Variants in HPSE2 observed in about 807,000 individuals in gnomAD.
HPSE2 encodes heparanase 2 (inactive).
A neutral mutation model predicts 60.5 loss-of-function variants in HPSE2; 38 were observed. The observed-to-expected ratio is 0.63, with a 90% CI of 0.48 to 0.82. The LOEUF (loss-of-function observed/expected upper bound fraction) is 0.82, where lower values mean the gene tolerates loss of function less well. HPSE2 is among the 40% of genes least tolerant of loss of function. The pLI, the probability that HPSE2 is intolerant of heterozygous loss-of-function variation, is 0.00. For missense variants in HPSE2, 713 were observed against 740.4 expected (o/e 0.96, Z 0.43); for synonymous variants, 295 against 293.2 (o/e 1.01, Z -0.06).
intron 6 of HPSE2, among the ~76,000 whole-genome samples, chr10:98,646,428 C>T (rs769414429): frequency 8.6e-5 from 13 of 151,706 alleles, no homozygotes; most frequent in Non-Finnish European, 1.2e-4. Context: ...AATTCAGCAT[C>T]ACTTAAGATC....
intron 3 of HPSE2, among the ~76,000 whole-genome samples, chr10:98,810,364 AT>A (rs1951141999): frequency 6.6e-6 from 1 of 152,110 alleles, no homozygotes; most frequent in African/African-American, 2.4e-5. Flanking sequence ...TTATGTATAA[AT>A]ATGTATATTT....
At chr10:99,216,188 C>CTTTTTTTTTTTTTTTTTTTTTTTT (rs550046406) in intron 2 of HPSE2, among the ~76,000 whole-genome samples, 4 of 97,674 alleles carry the variant, frequency 4.1e-5, no homozygotes, top group Admixed American at 1.4e-4. Context: ...ATAACCTAAA[C>CTTTTTTTTTTTTTTTTTTTTTTTT]TTTTTTTTTT....
rs76573934 is a variant in HPSE2, at chr10:98,853,942, G to A, written c.611-109886C>T. Among the ~76,000 whole-genome samples, 175 of 152,194 alleles carry A rather than the reference G, an allele frequency of 1.1e-3. 2 individuals carry two copies. The East Asian group carries it at 0.026, about 23-fold the overall frequency. ...AGGGAACATTATTATCTTCTTCATC[G>A]TCCTTCTGGTCTTTTTCTAAGTAGG... On this transcript the variant is annotated intron_variant, in intron 3 of 11. Coordinates refer to ENST00000370552, the MANE Select transcript of HPSE2 (RefSeq NM_021828.5).
At chr10:98,802,632 C>T (rs1293499099) in intron 3 of HPSE2, among the ~76,000 whole-genome samples, 1 of 151,788 alleles carries the variant, frequency 6.6e-6, no homozygotes, top group Non-Finnish European at 1.5e-5. Context: ...CATCCATGTC[C>T]CTACAAAGGA....
At chr10:99,078,031 T>G (rs1843006350) in intron 3 of HPSE2, among the ~76,000 whole-genome samples, 3 of 152,074 alleles carry the variant, frequency 2.0e-5, no homozygotes, top group Admixed American at 2.0e-4. Context: ...TCTGTCTTGC[T>G]CCCGTTCCAT....
intron 3 of HPSE2, among the ~76,000 whole-genome samples, chr10:98,839,920 A>G (rs560695969): frequency 1.1e-4 from 16 of 152,242 alleles, no homozygotes; most frequent in Non-Finnish European, 1.3e-4. Context: ...GAGAAGCATA[A>G]ATGGGAGAAA....
intron 3 of HPSE2, among the ~76,000 whole-genome samples, chr10:98,762,292 G>A (rs1041892446): frequency 8.7e-6 from 1 of 114,648 alleles, no homozygotes; most frequent in Non-Finnish European, 1.7e-5. Flanking sequence ...CCTGGCGGGG[G>A]TGGGGGGTGG....
At chr10:98,815,571 G>A (rs1173879109) in intron 3 of HPSE2, among the ~76,000 whole-genome samples, 3 of 152,150 alleles carry the variant, frequency 2.0e-5, no homozygotes, top group African/African-American at 7.2e-5. Flanking sequence ...TATGCTTCCT[G>A]TTGGGAACCT....
At chr10:98,678,432 C>G (rs1947702502) in intron 6 of HPSE2, among the ~76,000 whole-genome samples, 2 of 152,118 alleles carry the variant, frequency 1.3e-5, no homozygotes, top group Admixed American at 6.6e-5. Flanking sequence ...CTGCAGGGTC[C>G]CATTCCCGAA....
Position 98,459,166 on chromosome 10 carries a change from C to A in HPSE2, c.*408G>T. 1 of 247,374 alleles carries A rather than the reference C, an allele frequency of 4.0e-6. No homozygotes were observed. Among genetic ancestry groups the A allele is most frequent in the Non-Finnish European group, 8.0e-6 (1 of 124,600 alleles). The allele number at this position is 247,374 out of a possible 1,614,324, so 15.3% of individuals were successfully genotyped here. On this transcript the variant is annotated 3_prime_UTR_variant, in exon 12 of 12. Coordinates refer to ENST00000370552, the MANE Select transcript of HPSE2 (RefSeq NM_021828.5). ...GGTCCACCCAGTTTTTTTCCTTCCTCATCTTCCTCTGAGGGCAGCAGCAGC... is the reference window on the plus strand; with the variant it reads ...GGTCCACCCAGTTTTTTTCCTTCCTAATCTTCCTCTGAGGGCAGCAGCAGC...
At chr10:98,466,825 G>T (rs1358445124) in intron 11 of HPSE2, among the ~76,000 whole-genome samples, 1 of 152,094 alleles carries the variant, frequency 6.6e-6, no homozygotes, top group East Asian at 1.9e-4. Context: ...GAGTGATCCT[G>T]CATAAACAGA....
chr10:98,642,550 G>A (rs1368516408), intron 6 of HPSE2, among the ~76,000 whole-genome samples: 3 of 152,126 alleles, frequency 2.0e-5, no homozygotes, highest in African/African-American at 7.2e-5. Flanking sequence ...AGGTGGAAGG[G>A]CCCTCTCCTA....
chr10:98,546,796 T>G (rs1943693952), intron 9 of HPSE2, among the ~76,000 whole-genome samples: 1 of 150,600 alleles, frequency 6.6e-6, no homozygotes, highest in Non-Finnish European at 1.5e-5. Flanking sequence ...AAGCCAAAAT[T>G]GACAAATGGG....
At chr10:98,471,183 G>A (rs1050507119) in intron 11 of HPSE2, among the ~76,000 whole-genome samples, 2 of 152,180 alleles carry the variant, frequency 1.3e-5, no homozygotes, top group Non-Finnish European at 2.9e-5. Context: ...GGGAAAAATC[G>A]AAGATACAAA....
intron 3 of HPSE2, among the ~76,000 whole-genome samples, chr10:99,075,864 G>A (rs1283619778): frequency 1.3e-5 from 2 of 151,806 alleles, no homozygotes; most frequent in African/African-American, 4.8e-5. Flanking sequence ...CCATTTACAT[G>A]GAATATATTT....
chr10:99,296,399 G>A, the HPSE2 span, among the ~76,000 whole-genome samples: 1 of 152,182 alleles, frequency 6.6e-6, no homozygotes, highest in Non-Finnish European at 1.5e-5. Flanking sequence ...CATGAACACA[G>A]AGTTACTGCC....
At chr10:99,065,864 T>C (rs775255975) in intron 3 of HPSE2, among the ~76,000 whole-genome samples, 3 of 152,196 alleles carry the variant, frequency 2.0e-5, no homozygotes, top group Non-Finnish European at 4.4e-5. Flanking sequence ...AATCCAACCC[T>C]TCTAACTTCC....
intron 11 of HPSE2, among the ~76,000 whole-genome samples, chr10:98,460,358 G>A (rs1329735690): frequency 2.2e-5 from 3 of 137,640 alleles, no homozygotes; most frequent in African/African-American, 8.5e-5. Flanking sequence ...TGGGTGCAGT[G>A]GCTCATGCCT....
intron 2 of HPSE2, among the ~76,000 whole-genome samples, chr10:99,226,302 A>T (rs1458643664): frequency 6.6e-6 from 1 of 151,976 alleles, no homozygotes; most frequent in Non-Finnish European, 1.5e-5. Flanking sequence ...ATTATATTCC[A>T]CTTAGCACTT....
Sources: allele counts gnomAD v4.1 joint callset (sites outside exome capture counted in the v4.1 genomes callset), GRCh38; gene constraint gnomAD v4.1.1; transcripts MANE v1.5; gene names NCBI Gene and HGNC (gene_info 2026-07-23, HGNC 2026-07-21).